Variants in CRACD observed in about 807,000 individuals in gnomAD.
CRACD encodes the protein capping protein inhibiting regulator of actin dynamics.
In CRACD, 56 loss-of-function variants were observed where a neutral mutation model predicts 106.8. The observed-to-expected ratio is 0.52, with a 90% CI of 0.42 to 0.66. CRACD has a LOEUF of 0.66. Ranked by LOEUF, CRACD falls within the 30% of genes least tolerant of loss-of-function variation. The pLI is 0.00. For synonymous variants in CRACD, 754 were observed against 670.8 expected (o/e 1.12, Z -1.92); for missense variants, 1,730 against 1,623.2 (o/e 1.07, Z -1.13).
chr4:56,143,300 A>C (rs1184370552), intron 1 of CRACD, among the ~76,000 whole-genome samples: 1 of 152,106 alleles, frequency 6.6e-6, no homozygotes, highest in Non-Finnish European at 1.5e-5. Context: ...CTCCTAGTTT[A>C]AGGGTAGATA....
chr4:56,062,533 G>A (rs1732314351), intron 1 of CRACD, among the ~76,000 whole-genome samples: 2 of 152,158 alleles, frequency 1.3e-5, no homozygotes, highest in Admixed American at 1.3e-4. Context: ...ACCAGGTTGA[G>A]CAAACTGGAT....
intron 2 of CRACD, among the ~76,000 whole-genome samples, chr4:56,201,212 A>C (rs994796388): frequency 1.3e-5 from 2 of 152,210 alleles, no homozygotes; most frequent in African/African-American, 2.4e-5. Flanking sequence ...CTGTGTGTAC[A>C]CATGAAAATA....
chr4:56,230,917 C>G (rs905901954), intron 2 of CRACD, among the ~76,000 whole-genome samples: 6 of 152,156 alleles, frequency 3.9e-5, no homozygotes, highest in African/African-American at 1.4e-4. Context: ...TGACTAAATT[C>G]CTTGTCGATT....
chr4:56,256,237 A>G (rs1248201442), intron 2 of CRACD, among the ~76,000 whole-genome samples: 1 of 152,106 alleles, frequency 6.6e-6, no homozygotes, highest in African/African-American at 2.4e-5. Flanking sequence ...TGTTCTTGTG[A>G]TAGTAAATAA....
intron 1 of CRACD, among the ~76,000 whole-genome samples, chr4:56,175,349 T>C (rs188288389): frequency 1.1e-3 from 168 of 152,352 alleles, no homozygotes; most frequent in Non-Finnish European, 1.7e-3. Flanking sequence ...CTTCCTATCT[T>C]TTTGTTAATA....
Position 56,316,192 on chromosome 4 carries a change from G to T in CRACD, c.2690G>T (p.Gly897Val), listed in dbSNP as rs745577518. The T allele has an allele frequency of 2.5e-6, 4 of 1,614,042 alleles. No individual in the cohort carries two copies. The African/African-American group carries it at 4.0e-5, about 16-fold the overall frequency. The change falls in exon 8 of 11, where the codon GGT (glycine) becomes GTT (valine). Residue 897 changes from glycine (G) to valine (V), a missense_variant. By Grantham distance (109) the Gly-to-Val change is moderately radical. Transcript: ENST00000682029. ...GSARGEKEME[G>V]VALKHGPSLP... ...GCTCGTGGAGAGAAAGAGATGGAGG[G>T]TGTGGCCCTCAAGCATGGTCCATCC...
chr4:56,073,221 A>C (rs1054758591), intron 1 of CRACD, among the ~76,000 whole-genome samples: 11 of 152,226 alleles, frequency 7.2e-5, no homozygotes, highest in African/African-American at 2.2e-4. Context: ...CACTCCCACC[A>C]ACAGTGTAAA....
chr4:56,213,450 A>C (rs1347733934), intron 2 of CRACD, among the ~76,000 whole-genome samples: 1 of 133,488 alleles, frequency 7.5e-6, no homozygotes, highest in Non-Finnish European at 1.5e-5. Context: ...CCACCTCAAA[A>C]ATAAAATAAA....
chr4:56,197,124 C>T (rs1737648527), intron 2 of CRACD, among the ~76,000 whole-genome samples: 1 of 152,038 alleles, frequency 6.6e-6, no homozygotes, highest in African/African-American at 2.4e-5. Context: ...TTGAATAAGT[C>T]CTAAAATATA....
chr4:56,169,636 A>G (rs1289163576), intron 1 of CRACD, among the ~76,000 whole-genome samples: 1 of 152,148 alleles, frequency 6.6e-6, no homozygotes, highest in African/African-American at 2.4e-5. Context: ...AGCTGGGACT[A>G]CAGGTGCACA....
In CRACD at chr4:56,072,772, C is replaced by G. The variant is rs1220747152; in HGVS notation, c.-336+23473C>G. On this transcript the variant is annotated intron_variant, in intron 1 of 10. Coordinates refer to ENST00000682029, the MANE Select transcript of CRACD (RefSeq NM_001393381.1). ...CCTCCCCTTGTTTCCCCACCCCAGA[C>G]AGGCCCCCGTGTATGATGTTCCCCT... is the stretch of plus-strand genomic sequence containing the variant. Among the ~76,000 whole-genome samples, 4 of 152,014 alleles carry G rather than the reference C, an allele frequency of 2.6e-5. No individual in the cohort carries two copies. The East Asian group carries it at 5.8e-4, about 22-fold the overall frequency.
chr4:56,292,775 C>T (rs1049239379), intron 3 of CRACD, among the ~76,000 whole-genome samples: 45 of 152,256 alleles, frequency 3.0e-4, no homozygotes, highest in Admixed American at 1.3e-4. Flanking sequence ...CCACCTGCCT[C>T]GGCCTCCCAA....
chr4:56,178,664 G>A (rs1004115331), intron 1 of CRACD, among the ~76,000 whole-genome samples: 1 of 152,148 alleles, frequency 6.6e-6, no homozygotes, highest in Non-Finnish European at 1.5e-5. Flanking sequence ...ACTTCATCTT[G>A]TATTGTTGCC....
chr4:56,261,892 C>T (rs537566221), intron 2 of CRACD, among the ~76,000 whole-genome samples: 1 of 152,214 alleles, frequency 6.6e-6, no homozygotes, highest in South Asian at 2.1e-4. Flanking sequence ...TGCATATAGT[C>T]AGCTCTGCTA....
intron 8 of CRACD, among the ~76,000 whole-genome samples, chr4:56,321,718 T>G (rs1174765318): frequency 6.6e-6 from 1 of 152,242 alleles, no homozygotes. Flanking sequence ...AAAAACTCTT[T>G]CAAATTCAGT....
rs13109916 is a variant in CRACD, at chr4:56,085,070, G to C, written c.-336+35771G>C. ...TTATGTGTGTGATTGTGAGTGGGAA[G>C]GGTGGAGTATGGGCGTTTGGCATGA... On this transcript the variant is annotated intron_variant, in intron 1 of 10. Transcript: ENST00000682029. 8.2e-3 allele frequency among the ~76,000 whole-genome samples: 1,242 copies of C among 152,246 alleles called. 5 individuals are homozygous for C. Among genetic ancestry groups the C allele is most frequent in the South Asian group, 0.014 (68 of 4,828 alleles).
chr4:56,203,713 TAATG>T lies in CRACD; in HGVS notation c.-189+24286_-189+24289del, dbSNP rs538655739. On this transcript the variant is annotated intron_variant, in intron 2 of 10. Coordinates refer to ENST00000682029, the MANE Select transcript of CRACD (RefSeq NM_001393381.1). ...GCCATTTGTTCAAAAACTAAGAACT[TAATG>T]AAAGCACAGTGTGGAAACAAGCACT... is the stretch of plus-strand genomic sequence containing the variant. Among the ~76,000 whole-genome samples the T allele has an allele frequency of 7.2e-5, 11 of 152,332 alleles. No homozygotes were observed. In the South Asian group the frequency reaches 2.3e-3, roughly 32 times the overall value.
At chr4:56,150,205 G>T (rs1237201834) in intron 1 of CRACD, among the ~76,000 whole-genome samples, 2 of 152,180 alleles carry the variant, frequency 1.3e-5, no homozygotes, top group Non-Finnish European at 2.9e-5. Flanking sequence ...ATTTGTTAGT[G>T]CCATGATGTT....
intron 4 of CRACD, among the ~76,000 whole-genome samples, chr4:56,300,466 G>A (rs974787627): frequency 4.6e-5 from 7 of 152,200 alleles, no homozygotes; most frequent in African/African-American, 1.7e-4. Context: ...TATAGAAAAA[G>A]CAAGCTGTGA....
Sources: allele counts gnomAD v4.1 joint callset (sites outside exome capture counted in the v4.1 genomes callset), GRCh38; gene constraint gnomAD v4.1.1; transcripts MANE v1.5; gene names NCBI Gene and HGNC (gene_info 2026-07-23, HGNC 2026-07-21).